NRXN3: variants seen among roughly 807,000 people sequenced by gnomAD.
NRXN3 encodes the protein neurexin 3.
In NRXN3, 32 loss-of-function variants were observed where a neutral mutation model predicts 137.6. That is an observed-to-expected ratio of 0.23 (90% CI 0.18 to 0.31). NRXN3 has a LOEUF of 0.31. Among genes scored for constraint, NRXN3 ranks in the 10% least tolerant of loss-of-function variants. The pLI is 1.00. For synonymous variants in NRXN3, 798 were observed against 784.5 expected, an observed-to-expected ratio of 1.02 and a Z score of -0.29; for missense variants, 1,574 against 2,062.5, an observed-to-expected ratio of 0.76 and a Z score of 4.59.
chr14:78,763,118 C>A (rs2098698059), intron 8 of NRXN3, among the ~76,000 whole-genome samples: 1 of 152,192 alleles, frequency 6.6e-6, no homozygotes, highest in African/African-American at 2.4e-5. Flanking sequence ...ATTAAAATAT[C>A]CTGCAAAGTG....
At chr14:78,908,838 C>A (rs2099227475) in intron 10 of NRXN3, among the ~76,000 whole-genome samples, 1 of 151,960 alleles carries the variant, frequency 6.6e-6, no homozygotes, top group Non-Finnish European at 1.5e-5. Flanking sequence ...AGAATGGGGA[C>A]AATGCCCCAA....
intron 1 of NRXN3, among the ~76,000 whole-genome samples, chr14:78,213,305 A>G (rs1228192154): frequency 6.6e-6 from 1 of 152,142 alleles, no homozygotes; most frequent in East Asian, 1.9e-4. Context: ...GGGAATTAGG[A>G]TGAGTTCTCC....
chr14:78,207,155 C>T (rs139152839), intron 1 of NRXN3, among the ~76,000 whole-genome samples: 1,568 of 152,260 alleles, frequency 0.01, 38 homozygotes, highest in African/African-American at 0.036. Flanking sequence ...TGAACCACCG[C>T]GCCCGGCCTC....
intron 10 of NRXN3, among the ~76,000 whole-genome samples, chr14:78,840,496 G>A (rs1298002961): frequency 6.6e-6 from 1 of 152,144 alleles, no homozygotes; most frequent in Admixed American, 6.5e-5. Flanking sequence ...GCTGTGTTGT[G>A]GTAACAAGCC....
intron 4 of NRXN3, among the ~76,000 whole-genome samples, chr14:78,375,251 G>A (rs1216048614): frequency 6.6e-6 from 1 of 152,138 alleles, no homozygotes; most frequent in African/African-American, 2.4e-5. Flanking sequence ...TTTATAGTAG[G>A]AAAAACTTTG....
chr14:79,614,924 TAAC>T (rs1424478524), intron 16 of NRXN3, among the ~76,000 whole-genome samples: 3 of 152,050 alleles, frequency 2.0e-5, no homozygotes, highest in Admixed American at 6.6e-5. Flanking sequence ...AAGGAAAAAA[TAAC>T]AACAACAGCA....
chr14:78,368,642 C>G (rs2086357808), intron 4 of NRXN3, among the ~76,000 whole-genome samples: 2 of 152,138 alleles, frequency 1.3e-5, no homozygotes, highest in Middle Eastern at 3.2e-3. Flanking sequence ...TTGCAGTGAG[C>G]TGAGATCACA....
At chr14:78,926,081 C>A (rs1016351003) in intron 10 of NRXN3, among the ~76,000 whole-genome samples, 3 of 152,100 alleles carry the variant, frequency 2.0e-5, no homozygotes, top group Admixed American at 6.5e-5. Flanking sequence ...GAAATTGGAA[C>A]CTACCTCTTT....
chr14:79,088,293 A>T (rs1262452390), intron 15 of NRXN3, among the ~76,000 whole-genome samples: 1 of 149,608 alleles, frequency 6.7e-6, no homozygotes, highest in South Asian at 2.1e-4. Flanking sequence ...GATCAGCTTA[A>T]AATAAAGTGA....
At chr14:78,341,382 T>C (rs1300185834) in intron 4 of NRXN3, among the ~76,000 whole-genome samples, 1 of 152,138 alleles carries the variant, frequency 6.6e-6, no homozygotes, top group Non-Finnish European at 1.5e-5. Flanking sequence ...TGGAATACAA[T>C]ATGAGTAACA....
rs1272238154 is a variant in NRXN3 at position 79,862,078 on chromosome 14, T to C, written c.*114T>C. 1.1e-6 allele frequency: 1 copy of C among 896,236 alleles called. No individual in the cohort carries two copies. The highest frequency in any genetic ancestry group is 1.7e-6 in the Non-Finnish European group (1 of 591,706). The allele number at this position is 896,236 out of a possible 1,614,324, so 55.5% of individuals were successfully genotyped here. A position where few individuals can be genotyped will look rare whatever the true frequency, so the allele number is the denominator to read the frequency against. On this transcript the variant is annotated 3_prime_UTR_variant, in exon 21 of 21. Coordinates refer to ENST00000335750, the MANE Select transcript of NRXN3 (RefSeq NM_001330195.2). ...GAACTGCTGGAACTATGAAATGGGGTATATAACCACGACTCTGGTGGGGAA... is the reference window on the plus strand; with the variant it reads ...GAACTGCTGGAACTATGAAATGGGGCATATAACCACGACTCTGGTGGGGAA...
At chr14:79,329,127 G>A (rs746857755) in intron 15 of NRXN3, among the ~76,000 whole-genome samples, 7 of 152,168 alleles carry the variant, frequency 4.6e-5, no homozygotes, top group Non-Finnish European at 8.8e-5. Context: ...TTTAAGGACT[G>A]TCAGCATCCC....
chr14:79,097,924 A>G (rs1043264745), intron 15 of NRXN3, among the ~76,000 whole-genome samples: 1 of 152,132 alleles, frequency 6.6e-6, no homozygotes, highest in African/African-American at 2.4e-5. Flanking sequence ...CGAATTCCTA[A>G]TAAGTGCTCA....
rs995578943 is a variant in NRXN3 at position 79,282,664 on chromosome 14, TG to T, written c.3263-184555del. Among the ~76,000 whole-genome samples the T allele has an allele frequency of 2.6e-5, 4 of 152,194 alleles. No homozygotes were observed. In the South Asian group the frequency reaches 8.3e-4, roughly 32 times the overall value. On this transcript the variant is annotated intron_variant, in intron 15 of 20. Transcript: ENST00000335750. ...CTACATCTGATAAGGTTCAGTGTGA[TG>T]GAAAATAAGAAGAAAGTAAGTAAAT... is the stretch of plus-strand genomic sequence containing the variant.
intron 16 of NRXN3, among the ~76,000 whole-genome samples, chr14:79,562,643 G>A (rs77106324): frequency 0.082 from 12,456 of 152,174 alleles, 564 homozygotes; most frequent in Middle Eastern, 0.14. Flanking sequence ...AAGTCCCACT[G>A]ATTTCCATGT....
At chr14:78,770,889 G>A (rs931388958) in intron 8 of NRXN3, among the ~76,000 whole-genome samples, 1 of 152,156 alleles carries the variant, frequency 6.6e-6, no homozygotes, top group Non-Finnish European at 1.5e-5. Context: ...CTAAATCCTG[G>A]CAAAGGCCCT....
chr14:78,921,438 T>C (rs887077560), intron 10 of NRXN3, among the ~76,000 whole-genome samples: 1 of 152,186 alleles, frequency 6.6e-6, no homozygotes, highest in African/African-American at 2.4e-5. Flanking sequence ...TACCTCCATA[T>C]ATGAATAACA....
At chr14:78,480,847 C>T (rs1329428446) in intron 4 of NRXN3, among the ~76,000 whole-genome samples, 1 of 152,160 alleles carries the variant, frequency 6.6e-6, no homozygotes, top group East Asian at 1.9e-4. Context: ...AAGTATTCTT[C>T]CCCTTTATTT....
At chr14:79,259,671 A>G (rs2077298784) in intron 15 of NRXN3, among the ~76,000 whole-genome samples, 1 of 146,442 alleles carries the variant, frequency 6.8e-6, no homozygotes, top group Admixed American at 7.0e-5. Context: ...ATAGTTATCT[A>G]TAGATAGCTA....
Sources: allele counts gnomAD v4.1 joint callset (sites outside exome capture counted in the v4.1 genomes callset), GRCh38; gene constraint gnomAD v4.1.1; transcripts MANE v1.5; gene names NCBI Gene and HGNC (gene_info 2026-07-23, HGNC 2026-07-21).